Variants in MLLT10 observed in about 807,000 individuals in gnomAD.
The protein encoded by MLLT10 is MLLT10 histone lysine methyltransferase DOT1L cofactor, also known as protein AF-10.
Under a neutral mutation model 129.1 loss-of-function variants are expected in MLLT10, and 30 were observed. That is an observed-to-expected ratio of 0.23 (90% CI 0.17 to 0.32). The LOEUF is 0.32. Among genes scored for constraint, MLLT10 ranks in the 10% least tolerant of loss-of-function variants. The pLI is 1.00. For synonymous variants in MLLT10, 490 were observed against 446.4 expected, an observed-to-expected ratio of 1.10 and a Z score of -1.23; for missense variants, 1,119 against 1,268.3, an observed-to-expected ratio of 0.88 and a Z score of 1.79.
At chr10:21,582,284 A>AT (rs775713095) in intron 3 of MLLT10, among the ~76,000 whole-genome samples, 1 of 151,678 alleles carries the variant, frequency 6.6e-6, no homozygotes, top group African/African-American at 2.4e-5. Context: ...CATGCAGCTA[A>AT]TTTTTTTGTG....
intron 13 of MLLT10, among the ~76,000 whole-genome samples, chr10:21,691,074 A>G (rs978310889): frequency 2.0e-5 from 3 of 152,212 alleles, no homozygotes; most frequent in Non-Finnish European, 4.4e-5. Context: ...AAAACAAATT[A>G]TAATTGGAAA....
intron 21 of MLLT10, among the ~76,000 whole-genome samples, chr10:21,738,728 C>T (rs2058588495): frequency 6.6e-6 from 1 of 152,150 alleles, no homozygotes; most frequent in African/African-American, 2.4e-5. Flanking sequence ...TTTCCTCCTC[C>T]TTGAAACATT....
At chr10:21,579,878 T>C (rs1359209581) in intron 3 of MLLT10, among the ~76,000 whole-genome samples, 2 of 152,110 alleles carry the variant, frequency 1.3e-5, no homozygotes, top group Non-Finnish European at 2.9e-5. Flanking sequence ...TTAGATTCTA[T>C]CTATTGATGT....
intron 5 of MLLT10, among the ~76,000 whole-genome samples, chr10:21,600,969 A>G (rs1046179411): frequency 1.3e-5 from 2 of 151,662 alleles, no homozygotes; most frequent in African/African-American, 4.8e-5. Context: ...TTTTTCCAAC[A>G]TGGTCTTGCT....
At chr10:21,643,296 G>A (rs1356300046) in intron 8 of MLLT10, among the ~76,000 whole-genome samples, 1 of 152,218 alleles carries the variant, frequency 6.6e-6, no homozygotes, top group Non-Finnish European at 1.5e-5. Flanking sequence ...GCCTTCCAAA[G>A]TACTGGGGTT....
At chr10:21,540,575 C>T (rs1448892143) in intron 3 of MLLT10, among the ~76,000 whole-genome samples, 1 of 151,912 alleles carries the variant, frequency 6.6e-6, no homozygotes, top group Non-Finnish European at 1.5e-5. Context: ...TATGTTTATC[C>T]TTTGTATCCA....
chr10:21,678,227 C>T (rs1398607509), intron 11 of MLLT10, among the ~76,000 whole-genome samples: 3 of 152,124 alleles, frequency 2.0e-5, no homozygotes, highest in Admixed American at 1.3e-4. Flanking sequence ...GCCTCAGCCT[C>T]CCTAGTAGCT....
intron 13 of MLLT10, among the ~76,000 whole-genome samples, chr10:21,696,093 G>A (rs1180932393): frequency 6.6e-6 from 1 of 151,758 alleles, no homozygotes; most frequent in African/African-American, 2.4e-5. Flanking sequence ...TTCCTTTTGG[G>A]CATTAAAACC....
At chr10:21,582,913 A>T (rs1232757094) in intron 3 of MLLT10, among the ~76,000 whole-genome samples, 1 of 152,214 alleles carries the variant, frequency 6.6e-6, no homozygotes, top group Admixed American at 6.5e-5. Flanking sequence ...GGCTCACTGT[A>T]ATCCTAGCAC....
intron 8 of MLLT10, among the ~76,000 whole-genome samples, chr10:21,637,629 C>T (rs566550265): frequency 1.3e-5 from 2 of 152,258 alleles, no homozygotes; most frequent in African/African-American, 2.4e-5. Context: ...GGTACTGAGT[C>T]CTGACATACC....
At chr10:21,559,451 C>T (rs975490535) in intron 3 of MLLT10, among the ~76,000 whole-genome samples, 2 of 152,084 alleles carry the variant, frequency 1.3e-5, no homozygotes, top group African/African-American at 4.8e-5. Context: ...TCAGATTTTC[C>T]ATATTCATTG....
chr10:21,613,473 CTG>C (rs1354817972), intron 6 of MLLT10, among the ~76,000 whole-genome samples: 1 of 152,156 alleles, frequency 6.6e-6, no homozygotes, highest in Non-Finnish European at 1.5e-5. Flanking sequence ...CTCGTAATGA[CTG>C]TACCAAATTT....
intron 9 of MLLT10, chr10:21,668,917 G>A: frequency 7.9e-7 from 1 of 1,261,620 alleles, no homozygotes; most frequent in Non-Finnish European, 1.0e-6. Flanking sequence ...ACTTCACTAG[G>A]TCATGCAAGG....
chr10:21,650,437 A>T (rs1056704700), intron 8 of MLLT10, among the ~76,000 whole-genome samples: 3 of 152,230 alleles, frequency 2.0e-5, no homozygotes, highest in Admixed American at 6.5e-5. Context: ...TATCTTACGT[A>T]CTTAGATCAG....
In MLLT10 at chr10:21,572,935, CT is replaced by C. The variant is rs1219373540; in HGVS notation, c.241-13351del. On this transcript the variant is annotated intron_variant, in intron 3 of 22. Coordinates refer to ENST00000307729, the MANE Select transcript of MLLT10 (RefSeq NM_001195626.3). ...CTAAAATTATTTTTAAATATTTTGT[CT>C]TTTTTTTGATGCTATTTTAAAATAT... Among the ~76,000 whole-genome samples the C allele has an allele frequency of 5.9e-5, 9 of 151,692 alleles. No individual in the cohort carries two copies. In the East Asian group the frequency reaches 1.5e-3, roughly 26 times the overall value.
chr10:21,681,853 C>A (rs545274658), intron 12 of MLLT10, among the ~76,000 whole-genome samples: 2 of 151,994 alleles, frequency 1.3e-5, no homozygotes, highest in Admixed American at 6.6e-5. Flanking sequence ...GTTAAGTGTG[C>A]CCTAAGGCAG....
At chr10:21,711,310 C>T (rs2056064123) in intron 13 of MLLT10, among the ~76,000 whole-genome samples, 1 of 152,132 alleles carries the variant, frequency 6.6e-6, no homozygotes, top group South Asian at 2.1e-4. Flanking sequence ...GTAATCCCAG[C>T]TACTAGGGAG....
intron 3 of MLLT10, chr10:21,556,790 GC>G: frequency 6.3e-7 from 1 of 1,588,682 alleles, no homozygotes; most frequent in Non-Finnish European, 8.6e-7. Context: ...TTGCTTTTGG[GC>G]TTGTCTTACT....
At chr10:21,689,612 T>TAC (rs1266793137) in intron 13 of MLLT10, among the ~76,000 whole-genome samples, 3 of 141,506 alleles carry the variant, frequency 2.1e-5, no homozygotes, top group African/African-American at 7.9e-5. Context: ...TATATATATA[T>TAC]ATATATACAC....
Sources: gnomAD v4.1 joint callset for allele counts (sites outside exome capture counted in the v4.1 genomes callset) on GRCh38, gnomAD v4.1.1 for gene constraint, MANE v1.5 for transcripts, NCBI Gene and HGNC (gene_info 2026-07-23, HGNC 2026-07-21) for gene names.